Variants in ZRANB3 observed in about 807,000 individuals in gnomAD.
ZRANB3 encodes the protein zinc finger RANBP2-type containing 3, also known as DNA annealing helicase and endonuclease ZRANB3.
A neutral mutation model predicts 133.8 loss-of-function variants in ZRANB3; 125 were observed. That is an observed-to-expected ratio of 0.93 (90% confidence interval 0.81 to 1.08). The LOEUF is 1.08. ZRANB3 is among the 50% of genes least tolerant of loss of function. The probability of loss-of-function intolerance (pLI) is 0.00; values close to 1 mark genes in which losing one functional copy is unlikely to be tolerated. For missense variants in ZRANB3, 1,229 were observed against 1,275.5 expected, an observed-to-expected ratio of 0.96 and a Z score of 0.56; for synonymous variants, 387 against 432.7, an observed-to-expected ratio of 0.89 and a Z score of 1.31.
chr2:135,209,037 C>A (rs1693996291), intron 17 of ZRANB3, 59 bp from the exon 18 acceptor site: 4 of 1,473,480 alleles, frequency 2.7e-6, no homozygotes, highest in Admixed American at 1.7e-5. Flanking sequence ...GTCTCTATTG[C>A]ATGTTTACAT....
intron 1 of ZRANB3, among the ~76,000 whole-genome samples, chr2:135,522,559 G>A (rs1343317066): frequency 6.6e-6 from 1 of 152,062 alleles, no homozygotes; most frequent in Non-Finnish European, 1.5e-5. Flanking sequence ...CAGCACTTTG[G>A]GAGGCCGAGG....
At chr2:135,228,057 T>C in intron 13 of ZRANB3, 42 bp from the exon 14 acceptor site, 1 of 1,427,544 alleles carries the variant, frequency 7.0e-7, no homozygotes, top group Non-Finnish European at 9.4e-7. Flanking sequence ...ATAATTTACA[T>C]TTAAAAGTAA....
chr2:135,353,929 AG>A (rs1685320323), intron 3 of ZRANB3, among the ~76,000 whole-genome samples: 2 of 152,108 alleles, frequency 1.3e-5, no homozygotes, highest in Non-Finnish European at 2.9e-5. Flanking sequence ...GCTTGGACCC[AG>A]GAAGTTGACG....
chr2:135,420,091 T>TTTTATATA (rs1176174180), intron 2 of ZRANB3, among the ~76,000 whole-genome samples: 2 of 72,484 alleles, frequency 2.8e-5, no homozygotes, highest in African/African-American at 7.7e-5. Flanking sequence ...TATCTTAGAT[T>TTTTATATA]TATATATATA....
intron 12 of ZRANB3, among the ~76,000 whole-genome samples, chr2:135,256,073 C>A (rs1338992708): frequency 6.6e-6 from 1 of 151,954 alleles, no homozygotes; most frequent in African/African-American, 2.4e-5. Context: ...TGCCACCATG[C>A]CCACCTGATT....
chr2:135,397,272 C>T (rs540370339), intron 2 of ZRANB3, among the ~76,000 whole-genome samples: 90 of 151,756 alleles, frequency 5.9e-4, no homozygotes, highest in Non-Finnish European at 1.0e-3. Flanking sequence ...GCGAGACCTC[C>T]TCTCCACTAA....
intron 6 of ZRANB3, among the ~76,000 whole-genome samples, chr2:135,332,109 A>G (rs1340273720): frequency 6.6e-6 from 1 of 152,168 alleles, no homozygotes; most frequent in Non-Finnish European, 1.5e-5. Flanking sequence ...TATAGACAAG[A>G]GTAGAAATAA....
At chr2:135,408,693 G>A (rs1398974326) in intron 2 of ZRANB3, among the ~76,000 whole-genome samples, 1 of 152,072 alleles carries the variant, frequency 6.6e-6, no homozygotes, top group East Asian at 1.9e-4. Flanking sequence ...GATGAAACTG[G>A]AAACCATCAT....
rs554362291 is a variant in ZRANB3, at chr2:135,423,284, A to G, written c.162-32464T>C. On this transcript the variant is annotated intron_variant, in intron 2 of 20. Transcript: ENST00000264159. Reference sequence around the variant, plus strand: ...CCTGTCTTCTACTAAAAATACAAAAATTAGCCGGATGTGCTGGCAGGTGCC... The same window carrying G: ...CCTGTCTTCTACTAAAAATACAAAAGTTAGCCGGATGTGCTGGCAGGTGCC... Among the ~76,000 whole-genome samples the G allele has an allele frequency of 8.1e-4, 124 of 152,248 alleles. 1 individual carries two copies. Among genetic ancestry groups the G allele is most frequent in the African/African-American group, 2.6e-3 (110 of 41,544 alleles).
chr2:135,381,979 C>T (rs1558957476), intron 3 of ZRANB3, among the ~76,000 whole-genome samples: 1 of 152,198 alleles, frequency 6.6e-6, no homozygotes, highest in Non-Finnish European at 1.5e-5. Context: ...AGCAACAGAA[C>T]AAAGCTGGAC....
intron 2 of ZRANB3, among the ~76,000 whole-genome samples, chr2:135,399,221 C>T (rs1486865332): frequency 2.0e-5 from 3 of 152,142 alleles, no homozygotes; most frequent in Non-Finnish European, 4.4e-5. Context: ...AGGCCCCTTC[C>T]GAGAAGCAAC....
chr2:135,326,939 C>A (rs1683866037), intron 6 of ZRANB3, among the ~76,000 whole-genome samples: 1 of 146,852 alleles, frequency 6.8e-6, no homozygotes. Flanking sequence ...TCCTTCCTTA[C>A]TCTTTAGAGA....
intron 3 of ZRANB3, among the ~76,000 whole-genome samples, chr2:135,384,004 T>G (rs1686843978): frequency 6.6e-6 from 1 of 152,028 alleles, no homozygotes. Context: ...AGAGCAGAAC[T>G]GAAGGAGGTA....
At chr2:135,209,502 C>T (rs1694012140) in intron 17 of ZRANB3, among the ~76,000 whole-genome samples, 2 of 152,124 alleles carry the variant, frequency 1.3e-5, no homozygotes, top group South Asian at 2.1e-4. Flanking sequence ...AGGTTGTTCC[C>T]CTTATTATCA....
rs1177438717 is a variant in ZRANB3, at chr2:135,245,926, C to CAAAAAAAAAAAAAAAAAAAAAAAAA, written c.1540-15000_1540-14999insTTTTTTTTTTTTTTTTTTTTTTTTT. Among the ~76,000 whole-genome samples, 88 of 19,548 alleles carry CAAAAAAAAAAAAAAAAAAAAAAAAA rather than the reference C, an allele frequency of 4.5e-3. 11 individuals carry two copies. Among genetic ancestry groups the CAAAAAAAAAAAAAAAAAAAAAAAAA allele is most frequent in the East Asian group, 0.015 (2 of 132 alleles). The allele number at this position is 19,548 out of a possible 152,430, so 12.8% of individuals were successfully genotyped here. ...GGGCAACGAGATTGAAACTCCGTCT[C>CAAAAAAAAAAAAAAAAAAAAAAAAA]AAAAAAAAAAAAAAAAAAAAAAGAG... On this transcript the variant is annotated intron_variant, in intron 12 of 20. Transcript: ENST00000264159.
intron 2 of ZRANB3, among the ~76,000 whole-genome samples, chr2:135,463,609 G>A (rs1244181626): frequency 1.3e-5 from 2 of 151,948 alleles, no homozygotes; most frequent in Non-Finnish European, 2.9e-5. Context: ...TAGAGTCGGG[G>A]TTTCGCCATG....
chr2:135,263,269 C>A (rs1680053273), intron 12 of ZRANB3, among the ~76,000 whole-genome samples: 1 of 152,146 alleles, frequency 6.6e-6, no homozygotes, highest in Admixed American at 6.6e-5. Flanking sequence ...CCTGTTGATA[C>A]ATATAAATAT....
intron 1 of ZRANB3, among the ~76,000 whole-genome samples, 163 bp downstream of exon 1, chr2:135,530,964 C>G (rs985606375): frequency 6.6e-6 from 1 of 152,194 alleles, no homozygotes; most frequent in Non-Finnish European, 1.5e-5. Flanking sequence ...GCCACTGAAG[C>G]TGGAGAAACC....
intron 2 of ZRANB3, among the ~76,000 whole-genome samples, chr2:135,496,018 G>A (rs1187454186): frequency 6.6e-6 from 1 of 152,094 alleles, no homozygotes; most frequent in Non-Finnish European, 1.5e-5. Context: ...TGTGATCTTG[G>A]AAACTGCAAG....
Sources: allele counts gnomAD v4.1 joint callset (sites outside exome capture counted in the v4.1 genomes callset), GRCh38; gene constraint gnomAD v4.1.1; transcripts MANE v1.5; gene names NCBI Gene and HGNC (gene_info 2026-07-23, HGNC 2026-07-21).